The following ATXN10 variants were observed in gnomAD, a reference collection of about 807,000 sequenced individuals.
The protein encoded by ATXN10 is ataxin 10.
Under a neutral mutation model 52.9 loss-of-function variants are expected in ATXN10, and 28 were observed. The observed-to-expected ratio is 0.53, with a 90% CI of 0.39 to 0.73. ATXN10 has a LOEUF of 0.73. ATXN10 is among the 30% of genes least tolerant of loss of function. The pLI is 0.00. For synonymous variants in ATXN10, 226 were observed against 221.5 expected, an observed-to-expected ratio of 1.02 and a Z score of -0.18; for missense variants, 565 against 577.0, an observed-to-expected ratio of 0.98 and a Z score of 0.21.
At chr22:45,686,775 C>T (rs180796621) in intron 1 of ATXN10, among the ~76,000 whole-genome samples, 19 of 148,342 alleles carry the variant, frequency 1.3e-4, no homozygotes, top group East Asian at 5.9e-4. Context: ...GCTGAGATCA[C>T]GCTACTGCAC....
At chr22:45,703,076 A>G (rs1923902374) in intron 5 of ATXN10, among the ~76,000 whole-genome samples, 1 of 152,232 alleles carries the variant, frequency 6.6e-6, no homozygotes, top group African/African-American at 2.4e-5. Flanking sequence ...GAATTCTTTA[A>G]GGTGGTGAGG....
At chr22:45,776,611 G>A (rs996660524) in intron 9 of ATXN10, among the ~76,000 whole-genome samples, 1 of 152,048 alleles carries the variant, frequency 6.6e-6, no homozygotes, top group African/African-American at 2.4e-5. Context: ...TTGGAAGCCT[G>A]CATGGCTCAG....
chr22:45,801,593 A>C (rs1927933043), intron 9 of ATXN10, among the ~76,000 whole-genome samples: 1 of 152,210 alleles, frequency 6.6e-6, no homozygotes, highest in African/African-American at 2.4e-5. Flanking sequence ...GGAAATTACA[A>C]ATCCAGACAT....
Position 45,833,908 on chromosome 22 carries a change from TC to T in ATXN10, c.1238-9081del, listed in dbSNP as rs1276163752. Reference sequence around the variant, plus strand: ...GGATGCCAGAGCCTGACTGCCTACTTCCAAATCCACCTTGAACACATCCAGT... The same window carrying T: ...GGATGCCAGAGCCTGACTGCCTACTTCAAATCCACCTTGAACACATCCAGT... On this transcript the variant is annotated intron_variant, in intron 10 of 11. Transcript: ENST00000252934. The surrounding 1 kb of genome is among the most constrained non-coding windows in gnomAD (Gnocchi z 4.3). 6.6e-6 allele frequency among the ~76,000 whole-genome samples: 1 copy of T among 152,150 alleles called. No homozygotes were observed. Among genetic ancestry groups the T allele is most frequent in the Non-Finnish European group, 1.5e-5 (1 of 68,028 alleles).
In ATXN10 at chr22:45,759,233, C is replaced by T. The variant is rs1351835410; in HGVS notation, c.1173+18695C>T. Among the ~76,000 whole-genome samples the T allele has an allele frequency of 2.0e-5, 3 of 152,094 alleles. No homozygotes were observed. Among genetic ancestry groups the T allele is most frequent in the Non-Finnish European group, 4.4e-5 (3 of 68,020 alleles). ...ATAAATAGTAAAAGATTCTAGAGTC[C>T]GGGCATGGTGGTTCACACCTGTAAT... On this transcript the variant is annotated intron_variant, in intron 9 of 11. Coordinates refer to ENST00000252934, the MANE Select transcript of ATXN10 (RefSeq NM_013236.4). The surrounding 1 kb of genome is among the most constrained non-coding windows in gnomAD (Gnocchi z 5.4).
In ATXN10 at chr22:45,708,929, G is replaced by A. The variant is rs972863549; in HGVS notation, c.647+6082G>A. 3.9e-5 allele frequency among the ~76,000 whole-genome samples: 6 copies of A among 152,178 alleles called. No individual in the cohort carries two copies. The highest frequency in any genetic ancestry group is 2.1e-4 in the South Asian group (1 of 4,832). On this transcript the variant is annotated intron_variant, in intron 5 of 11. Coordinates refer to ENST00000252934, the MANE Select transcript of ATXN10 (RefSeq NM_013236.4). The surrounding 1 kb of genome is among the most constrained non-coding windows in gnomAD (Gnocchi z 5.3). The stretch of plus-strand genomic sequence containing the variant: ...GCTGGGATTACAGGCATGAGCCACC[G>A]TGCCCACCTAAACTTTTATTAATCC...
intron 3 of ATXN10, among the ~76,000 whole-genome samples, chr22:45,700,068 T>C (rs909400001): frequency 6.6e-6 from 1 of 152,184 alleles, no homozygotes; most frequent in Non-Finnish European, 1.5e-5. Context: ...CGCCTTGGCC[T>C]CCCAAAGTGC....
chr22:45,756,384 A>G (rs1318902285), intron 9 of ATXN10, among the ~76,000 whole-genome samples: 1 of 151,804 alleles, frequency 6.6e-6, no homozygotes, highest in Non-Finnish European at 1.5e-5. Context: ...GGCTCGAGTG[A>G]TCTTCCTGCC....
In ATXN10 at chr22:45,774,084, T is replaced by G. The variant is rs1926868496; in HGVS notation, c.1174-32875T>G. 6.6e-6 allele frequency among the ~76,000 whole-genome samples: 1 copy of G among 152,262 alleles called. No homozygotes were observed. The highest frequency in any genetic ancestry group is 2.1e-4 in the South Asian group (1 of 4,834). ...AGACAGAAAGAACCATTTGATGCCA[T>G]GTGCTTCAGCCAGCACCATTTCAGC... On this transcript the variant is annotated intron_variant, in intron 9 of 11. Coordinates refer to ENST00000252934, the MANE Select transcript of ATXN10 (RefSeq NM_013236.4). This position sits in a 1 kb window ranked among gnomAD's most constrained non-coding sequence, Gnocchi z 6.2.
intron 3 of ATXN10, among the ~76,000 whole-genome samples, chr22:45,695,181 G>A (rs534451861): frequency 1.9e-3 from 294 of 151,352 alleles, no homozygotes; most frequent in Middle Eastern, 6.8e-3. Flanking sequence ...AAAATTAGCC[G>A]GGCATGGTGG....
rs1017286697 is a variant in ATXN10 at position 45,671,910 on chromosome 22, C to G, written c.-154C>G. 1.9e-5 allele frequency: 15 copies of G among 810,132 alleles called. No homozygotes were observed. The highest frequency in any genetic ancestry group is 5.6e-5 in the Admixed American group (2 of 35,510). The allele number at this position is 810,132 out of a possible 1,614,324, so 50.2% of individuals were successfully genotyped here. A position where few individuals can be genotyped will look rare whatever the true frequency, so the allele number is the denominator to read the frequency against. On this transcript the variant is annotated 5_prime_UTR_variant, in exon 1 of 12. Transcript: ENST00000252934. The stretch of plus-strand genomic sequence containing the variant: ...CGGCGGCGGCGCAGCTTCAGGGCAG[C>G]GCGGGCTGCAGCGGCGGCGGCGGTT...
chr22:45,831,385 T>A (rs136025), intron 10 of ATXN10, among the ~76,000 whole-genome samples: 129,876 of 150,832 alleles, frequency 0.86, 56,028 homozygotes, highest in African/African-American at 0.93. Context: ...AAAAAAAAAA[T>A]TTTGGAGAAA....
rs532194366 is a variant in ATXN10 at position 45,833,509 on chromosome 22, C to A, written c.1238-9482C>A. 1.4e-4 allele frequency among the ~76,000 whole-genome samples: 22 copies of A among 152,292 alleles called. No homozygotes were observed. In the East Asian group the frequency reaches 4.2e-3, roughly 29 times the overall value. On this transcript the variant is annotated intron_variant, in intron 10 of 11. Coordinates refer to ENST00000252934, the MANE Select transcript of ATXN10 (RefSeq NM_013236.4). The surrounding 1 kb of genome is among the most constrained non-coding windows in gnomAD (Gnocchi z 4.3). ...CTATTTTTGATCCTTGGCTGTACTTCATTAATTTTGAAATATCAACAGTGC... is the reference window on the plus strand; with the variant it reads ...CTATTTTTGATCCTTGGCTGTACTTAATTAATTTTGAAATATCAACAGTGC...
intron 9 of ATXN10, among the ~76,000 whole-genome samples, chr22:45,779,713 T>G (rs1232590773): frequency 6.6e-6 from 1 of 152,232 alleles, no homozygotes; most frequent in African/African-American, 2.4e-5. Flanking sequence ...AATTCTATAT[T>G]GCCTTGCATG....
At chr22:45,674,262 G>T (rs898197948) in intron 1 of ATXN10, 6 of 152,230 alleles carry the variant, frequency 3.9e-5, no homozygotes, top group African/African-American at 1.4e-4. Flanking sequence ...TTGGATTGTG[G>T]GGGGGAGAAT....
intron 9 of ATXN10, among the ~76,000 whole-genome samples, chr22:45,748,601 T>A (rs544991374): frequency 4.6e-5 from 7 of 152,336 alleles, no homozygotes; most frequent in Non-Finnish European, 1.0e-4. Flanking sequence ...GAAAGTATGT[T>A]AAGGAACTTT....
chr22:45,711,391 C>T (rs1476997279), intron 5 of ATXN10, among the ~76,000 whole-genome samples: 17 of 152,080 alleles, frequency 1.1e-4, no homozygotes, highest in East Asian at 1.9e-4. Flanking sequence ...GAGTTATAGG[C>T]GGGTGAACCT....
chr22:45,687,973 C>T (rs1257494292), intron 1 of ATXN10, among the ~76,000 whole-genome samples: 2 of 152,144 alleles, frequency 1.3e-5, no homozygotes, highest in Non-Finnish European at 2.9e-5. Context: ...AGAAGAATTG[C>T]TTGAACCCAG....
chr22:45,738,373 AAGAAAGTATTT>A (rs1298408793), intron 7 of ATXN10: 1 of 180,898 alleles, frequency 5.5e-6, no homozygotes, highest in African/African-American at 2.4e-5. Context: ...ATGCTTTAAA[AAGAAAGTATTT>A]GCATAAATGT....
Sources: gnomAD v4.1 joint callset for allele counts (sites outside exome capture counted in the v4.1 genomes callset) on GRCh38, gnomAD v4.1.1 for gene constraint, Gnocchi (gnomAD v3.1) non-coding constraint, MANE v1.5 for transcripts, NCBI Gene and HGNC (gene_info 2026-07-23, HGNC 2026-07-21) for gene names.